Variants in ARHGAP44 observed in about 807,000 individuals in gnomAD.
ARHGAP44 encodes rho GTPase-activating protein 44.
A neutral mutation model predicts 106.8 loss-of-function variants in ARHGAP44; 43 were observed. That is an observed-to-expected ratio of 0.40 (90% CI 0.32 to 0.52). The LOEUF is 0.52. Among genes scored for constraint, ARHGAP44 ranks in the 20% least tolerant of loss-of-function variants. The probability of loss-of-function intolerance (pLI) is 0.48; values close to 1 mark genes in which losing one functional copy is unlikely to be tolerated. For synonymous variants in ARHGAP44, 439 were observed against 410.3 expected, an observed-to-expected ratio of 1.07 and a Z score of -0.85; for missense variants, 866 against 1,050.5, an observed-to-expected ratio of 0.82 and a Z score of 2.43.
At chr17:12,845,400 C>T (rs942401629) in intron 1 of ARHGAP44, among the ~76,000 whole-genome samples, 14 of 149,486 alleles carry the variant, frequency 9.4e-5, no homozygotes, top group East Asian at 4.1e-4. Flanking sequence ...CTCAGCTACT[C>T]GGGAGGCTGA....
At chr17:12,921,899 A>G (rs1393771957) in intron 6 of ARHGAP44, among the ~76,000 whole-genome samples, 1 of 152,188 alleles carries the variant, frequency 6.6e-6, no homozygotes, top group Non-Finnish European at 1.5e-5. Flanking sequence ...AATAAAAGGT[A>G]CAGAGCAGTC....
At position 12,933,706 on chromosome 17, in the gene ARHGAP44, C is replaced by A. The variant is rs547917317; in HGVS notation, c.582+4660C>A. Among the ~76,000 whole-genome samples, 54 of 152,300 alleles carry A rather than the reference C, an allele frequency of 3.5e-4. 1 individual carries two copies. Among genetic ancestry groups the A allele is most frequent in the African/African-American group, 1.3e-3 (54 of 41,552 alleles). The stretch of plus-strand genomic sequence containing the variant: ...AATAGAGAAGACAGTGAATAGAAAC[C>A]TAATCCACTTGGCAACAGCAGTATC... On this transcript the variant is annotated intron_variant, in intron 7 of 20. Transcript: ENST00000379672.
intron 1 of ARHGAP44, among the ~76,000 whole-genome samples, chr17:12,868,457 TATCC>T (rs1192871414): frequency 6.6e-6 from 1 of 151,472 alleles, no homozygotes; most frequent in Non-Finnish European, 1.5e-5. Flanking sequence ...AAAACCACCA[TATCC>T]ATTATATTAC....
chr17:12,841,637 C>CAAAAAAAAAA (rs140882682), intron 1 of ARHGAP44, among the ~76,000 whole-genome samples: 37 of 101,694 alleles, frequency 3.6e-4, no homozygotes, highest in African/African-American at 1.3e-3. Context: ...CACACACACA[C>CAAAAAAAAAA]ACAAACAAAC....
intron 1 of ARHGAP44, among the ~76,000 whole-genome samples, chr17:12,868,770 GC>G (rs1432692355): frequency 6.6e-6 from 1 of 150,942 alleles, no homozygotes; most frequent in Non-Finnish European, 1.5e-5. Context: ...CAGTTCTCCT[GC>G]CTCAGCCTCC....
intron 16 of ARHGAP44, among the ~76,000 whole-genome samples, chr17:12,963,161 A>G (rs1463774803): frequency 6.6e-6 from 1 of 152,068 alleles, no homozygotes; most frequent in Admixed American, 6.5e-5. Flanking sequence ...CTCCACACCA[A>G]GAGCTTTGAT....
chr17:12,913,862 G>A (rs894414317), intron 4 of ARHGAP44, among the ~76,000 whole-genome samples: 8 of 151,750 alleles, frequency 5.3e-5, no homozygotes, highest in East Asian at 1.9e-4. Flanking sequence ...CCAGCCACTC[G>A]GGAGGCTGAA....
intron 1 of ARHGAP44, among the ~76,000 whole-genome samples, chr17:12,817,349 G>A (rs550734723): frequency 7.2e-5 from 11 of 152,102 alleles, no homozygotes; most frequent in South Asian, 2.1e-4. Context: ...TGCATTGCAC[G>A]CCTGTGTCAA....
At chr17:12,838,863 T>C (rs1368024367) in intron 1 of ARHGAP44, among the ~76,000 whole-genome samples, 1 of 151,892 alleles carries the variant, frequency 6.6e-6, no homozygotes, top group Non-Finnish European at 1.5e-5. Flanking sequence ...TGTGTGTGTA[T>C]ATATATGTAT....
At chr17:12,910,123 G>T (rs1240449825) in intron 4 of ARHGAP44, among the ~76,000 whole-genome samples, 1 of 152,080 alleles carries the variant, frequency 6.6e-6, no homozygotes, top group Non-Finnish European at 1.5e-5. Context: ...ATTTGAAGAA[G>T]ATACTACCTG....
At chr17:12,966,155 C>CA (rs34324286) in intron 16 of ARHGAP44, among the ~76,000 whole-genome samples, 23,910 of 116,466 alleles carry the variant, frequency 0.21, 2,467 homozygotes, top group East Asian at 0.52. Context: ...CACGCTGTCT[C>CA]AAAAAAAAAA....
At chr17:12,985,094 A>G (rs2039927186) in intron 20 of ARHGAP44, 186 bp downstream of exon 20, 12 of 708,698 alleles carry the variant, frequency 1.7e-5, no homozygotes, top group Non-Finnish European at 2.7e-5. Flanking sequence ...CCTGGAATCC[A>G]TGTGTCCCAC....
chr17:12,863,707 A>G (rs991408736), intron 1 of ARHGAP44, among the ~76,000 whole-genome samples: 1 of 152,212 alleles, frequency 6.6e-6, no homozygotes, highest in African/African-American at 2.4e-5. Context: ...CTTCTGGGGA[A>G]TAGCACAGGG....
intron 1 of ARHGAP44, among the ~76,000 whole-genome samples, chr17:12,864,429 A>T (rs2036175859): frequency 6.6e-6 from 1 of 152,040 alleles, no homozygotes; most frequent in Admixed American, 6.6e-5. Context: ...GCTGAACTGG[A>T]GGTCTGAATT....
intron 18 of ARHGAP44, among the ~76,000 whole-genome samples, chr17:12,975,316 T>G (rs899382065): frequency 6.6e-6 from 1 of 152,172 alleles, no homozygotes; most frequent in East Asian, 1.9e-4. Flanking sequence ...AGCCACTTTT[T>G]TTTTTCTTTT....
At chr17:12,868,365 G>C (rs1420472203) in intron 1 of ARHGAP44, among the ~76,000 whole-genome samples, 1 of 151,922 alleles carries the variant, frequency 6.6e-6, no homozygotes, top group East Asian at 1.9e-4. Flanking sequence ...GTCACATTCT[G>C]AAGTACTGGG....
intron 1 of ARHGAP44, among the ~76,000 whole-genome samples, chr17:12,804,074 C>T (rs2034199540): frequency 6.6e-6 from 1 of 152,292 alleles, no homozygotes; most frequent in South Asian, 2.1e-4. Flanking sequence ...AAGTCACTTG[C>T]TGTCTTTCTC....
At chr17:12,830,674 A>G (rs1264177737) in intron 1 of ARHGAP44, among the ~76,000 whole-genome samples, 1 of 152,144 alleles carries the variant, frequency 6.6e-6, no homozygotes, top group Non-Finnish European at 1.5e-5. Context: ...AAAATGAGGG[A>G]ATCAGATTAG....
intron 9 of ARHGAP44, 27 bp from the exon 10 acceptor site, chr17:12,944,042 C>T (rs1390091853): frequency 9.5e-6 from 15 of 1,572,580 alleles, no homozygotes; most frequent in Non-Finnish European, 1.3e-5. Flanking sequence ...GAACAGCTGA[C>T]TGACTCTTTC....
Sources: gnomAD v4.1 joint callset for allele counts (sites outside exome capture counted in the v4.1 genomes callset) on GRCh38, gnomAD v4.1.1 for gene constraint, MANE v1.5 for transcripts, NCBI Gene and HGNC (gene_info 2026-07-23, HGNC 2026-07-21) for gene names.